Variants in CFAP54 observed in about 807,000 individuals in gnomAD.
CFAP54 encodes the protein cilia and flagella associated protein 54, also known as cilia- and flagella-associated protein 54.
In CFAP54, 290 loss-of-function variants were observed where a neutral mutation model predicts 370.4. That is an observed-to-expected ratio of 0.78 (90% CI 0.71 to 0.86). CFAP54 has a LOEUF of 0.86. Ranked by LOEUF, CFAP54 falls within the 40% of genes least tolerant of loss-of-function variation. The pLI, the probability that CFAP54 is intolerant of heterozygous loss-of-function variation, is 0.00. For synonymous variants in CFAP54, 1,206 were observed against 1,236.5 expected, an observed-to-expected ratio of 0.98 and a Z score of 0.52; for missense variants, 3,399 against 3,528.7, an observed-to-expected ratio of 0.96 and a Z score of 0.93.
At chr12:96,741,477 C>A (rs1311429090) in intron 51 of CFAP54, among the ~76,000 whole-genome samples, 1 of 152,100 alleles carries the variant, frequency 6.6e-6, no homozygotes. Context: ...GACTGCTTAC[C>A]CTTGTTTCCA....
At chr12:96,806,159 AATATAT>A (rs548500750) in intron 63 of CFAP54, among the ~76,000 whole-genome samples, 807 of 27,520 alleles carry the variant, frequency 0.029, 28 homozygotes, top group Non-Finnish European at 0.039. Context: ...TCACTAGCCA[AATATAT>A]ATATATATAT....
chr12:96,512,301 T>TTTTATATA (rs1473973322), intron 4 of CFAP54, among the ~76,000 whole-genome samples: 33 of 31,130 alleles, frequency 1.1e-3, no homozygotes, highest in Non-Finnish European at 1.3e-3. Context: ...GGAACCAATT[T>TTTTATATA]TATATATATA....
At chr12:96,768,190 G>A (rs1176514684) in intron 60 of CFAP54, among the ~76,000 whole-genome samples, 1 of 152,166 alleles carries the variant, frequency 6.6e-6, no homozygotes, top group Non-Finnish European at 1.5e-5. Context: ...GTGTGCTGCT[G>A]CACACCTGTA....
chr12:96,558,825 T>C lies in CFAP54; in HGVS notation c.2410+4023T>C, dbSNP rs534639733. Among the ~76,000 whole-genome samples, 50 of 152,172 alleles carry C rather than the reference T, an allele frequency of 3.3e-4. No individual in the cohort carries two copies. In the South Asian group the frequency reaches 9.8e-3, roughly 30 times the overall value. On this transcript the variant is annotated intron_variant, in intron 17 of 67. Transcript: ENST00000524981. ...TCCAGGACATTGGTCTGGGCAAAAA[T>C]TTCTTGAGCAATACCCCTTAAGAAC...
chr12:96,821,960 TG>T (rs1467613854), intron 65 of CFAP54, among the ~76,000 whole-genome samples: 1 of 152,142 alleles, frequency 6.6e-6, no homozygotes, highest in Non-Finnish European at 1.5e-5. Flanking sequence ...TTGGTTGACA[TG>T]GGGGGAAGGT....
chr12:96,664,771 C>CTATA (rs1326435212), intron 39 of CFAP54, among the ~76,000 whole-genome samples: 5 of 69,144 alleles, frequency 7.2e-5, no homozygotes, highest in Admixed American at 1.4e-4. Flanking sequence ...ATATCTATAT[C>CTATA]TATATCTATA....
intron 63 of CFAP54, among the ~76,000 whole-genome samples, chr12:96,805,081 T>A (rs1958863740): frequency 6.6e-6 from 1 of 151,994 alleles, no homozygotes; most frequent in African/African-American, 2.4e-5. Context: ...TCTTACCAGA[T>A]ACAAAACTGA....
intron 66 of CFAP54, among the ~76,000 whole-genome samples, chr12:96,833,359 C>A (rs778502091): frequency 7.2e-5 from 11 of 152,178 alleles, no homozygotes; most frequent in Non-Finnish European, 1.5e-4. Flanking sequence ...TAATTATTGA[C>A]CACCAGCTAC....
intron 4 of CFAP54, among the ~76,000 whole-genome samples, chr12:96,510,654 C>G (rs1432130490): frequency 1.3e-5 from 2 of 151,790 alleles, no homozygotes; most frequent in Non-Finnish European, 2.9e-5. Flanking sequence ...CAAAGAAACA[C>G]TTAGACAGTT....
At position 96,811,824 on chromosome 12, in the gene CFAP54, T is replaced by C; in HGVS notation, c.8939T>C (p.Leu2980Ser). 6.6e-7 allele frequency: 1 copy of C among 1,505,556 alleles called. No homozygotes were observed. Among genetic ancestry groups the C allele is most frequent in the African/African-American group, 1.4e-5 (1 of 71,014 alleles). 93.3% of individuals were successfully genotyped at this position (1,505,556 alleles called of 1,614,324 possible). ...TATAACAGTACATGTGTTGGCTCTT[T>C]ATGGATTCCACTGAATAGGCAAGTA... Reference protein sequence around the residue: ...STYNSTCVGSLWIPLNRVIAI... With the variant: ...STYNSTCVGSSWIPLNRVIAI... Residue 2980 changes from leucine (L) to serine (S), a missense_variant, in exon 64 of 68, where the codon TTA becomes TCA. Transcript: ENST00000524981.
chr12:96,721,442 G>A (rs956903070), intron 50 of CFAP54, among the ~76,000 whole-genome samples: 5 of 152,146 alleles, frequency 3.3e-5, no homozygotes, highest in African/African-American at 1.2e-4. Context: ...ATATAAAGAT[G>A]CATAGAATAC....
At chr12:96,581,233 T>C in intron 22 of CFAP54, 128 bp downstream of exon 22, 1 of 573,248 alleles carries the variant, frequency 1.7e-6, no homozygotes, top group Non-Finnish European at 2.6e-6. Flanking sequence ...TATTATCCAT[T>C]ACTACAGTTT....
intron 35 of CFAP54, among the ~76,000 whole-genome samples, chr12:96,650,479 A>G (rs1335290908): frequency 3.3e-5 from 5 of 152,084 alleles, no homozygotes; most frequent in African/African-American, 1.2e-4. Flanking sequence ...TAGGACAGGG[A>G]AAGATCTTTC....
At chr12:96,705,879 AAAGAC>A (rs1289974344) in intron 47 of CFAP54, among the ~76,000 whole-genome samples, 6 of 152,204 alleles carry the variant, frequency 3.9e-5, no homozygotes, top group Admixed American at 6.5e-5. Context: ...TGTAGAGAGA[AAAGAC>A]AAGAGAAAGC....
intron 60 of CFAP54, among the ~76,000 whole-genome samples, chr12:96,772,449 C>T (rs1045017439): frequency 6.6e-6 from 1 of 152,186 alleles, no homozygotes; most frequent in Admixed American, 6.5e-5. Flanking sequence ...AGCAGCGTAG[C>T]ATCTCCAAAT....
chr12:96,771,635 G>T (rs1958463779), intron 60 of CFAP54, among the ~76,000 whole-genome samples: 1 of 152,102 alleles, frequency 6.6e-6, no homozygotes. Context: ...CTGGGCAAAA[G>T]AGCGAGACTC....
At chr12:96,806,482 A>G (rs1958884199) in intron 63 of CFAP54, among the ~76,000 whole-genome samples, 1 of 151,814 alleles carries the variant, frequency 6.6e-6, no homozygotes, top group African/African-American at 2.4e-5. Context: ...ATGTGGACCT[A>G]GTACTCTTTT....
chr12:96,557,424 T>A (rs1955765122), intron 17 of CFAP54, among the ~76,000 whole-genome samples: 1 of 152,168 alleles, frequency 6.6e-6, no homozygotes, highest in Admixed American at 6.6e-5. Context: ...GACCCAGCAA[T>A]GTCACTCATA....
intron 19 of CFAP54, among the ~76,000 whole-genome samples, chr12:96,573,316 A>G (rs1470876001): frequency 6.6e-6 from 1 of 152,140 alleles, no homozygotes; most frequent in African/African-American, 2.4e-5. Context: ...ATAGCGTTTT[A>G]TCTCCTTTTT....
Sources: allele counts gnomAD v4.1 joint callset (sites outside exome capture counted in the v4.1 genomes callset), GRCh38; gene constraint gnomAD v4.1.1; transcripts MANE v1.5; gene names NCBI Gene and HGNC (gene_info 2026-07-23, HGNC 2026-07-21).